DPP10: variants seen among roughly 807,000 people sequenced by gnomAD.
The protein encoded by DPP10 is inactive dipeptidyl peptidase 10.
In DPP10, 33 loss-of-function variants were observed where a neutral mutation model predicts 120.9. The observed-to-expected ratio is 0.27, with a 90% CI of 0.21 to 0.37. The LOEUF is 0.37. DPP10 is among the 10% of genes least tolerant of loss of function. The probability of loss-of-function intolerance (pLI) is 1.00; values close to 1 mark genes in which losing one functional copy is unlikely to be tolerated. For missense variants in DPP10, 816 were observed against 942.8 expected (o/e 0.87, Z 1.76); for synonymous variants, 337 against 326.1 (o/e 1.03, Z -0.36).
intron 1 of DPP10, among the ~76,000 whole-genome samples, chr2:115,220,219 G>C (rs1248905552): frequency 1.3e-5 from 2 of 152,028 alleles, no homozygotes; most frequent in East Asian, 1.9e-4. Flanking sequence ...TCATTATTCT[G>C]TATCACCTGC....
At chr2:114,795,050 T>C (rs1436825524) in intron 1 of DPP10, among the ~76,000 whole-genome samples, 1 of 152,192 alleles carries the variant, frequency 6.6e-6, no homozygotes, top group Non-Finnish European at 1.5e-5. Context: ...TTCAGGGTCA[T>C]GACTTGAAAT....
chr2:115,242,215 C>G (rs779390635), intron 1 of DPP10, among the ~76,000 whole-genome samples: 4 of 152,168 alleles, frequency 2.6e-5, no homozygotes, highest in Non-Finnish European at 5.9e-5. Context: ...TTTGCATCCT[C>G]ATAGTTGAGT....
intron 5 of DPP10, among the ~76,000 whole-genome samples, chr2:115,656,312 T>A (rs967297082): frequency 1.3e-5 from 2 of 151,620 alleles, no homozygotes; most frequent in African/African-American, 2.4e-5. Flanking sequence ...AAATTCAGAA[T>A]AAGACAGAGA....
intron 20 of DPP10, 62 bp from the exon 21 acceptor site, chr2:115,815,613 A>C: frequency 1.4e-6 from 2 of 1,422,240 alleles, no homozygotes; most frequent in Non-Finnish European, 1.9e-6. Context: ...CATGCCAACT[A>C]TATATTTATA....
At chr2:115,577,352 G>A (rs1473656011) in intron 5 of DPP10, among the ~76,000 whole-genome samples, 3 of 152,190 alleles carry the variant, frequency 2.0e-5, no homozygotes, top group Non-Finnish European at 4.4e-5. Context: ...TTCCGTGTTT[G>A]CTAATAAGGG....
chr2:114,633,248 CTTTTTTT>C (rs35372708), intron 1 of DPP10, among the ~76,000 whole-genome samples: 23 of 72,812 alleles, frequency 3.2e-4, no homozygotes, highest in Non-Finnish European at 5.0e-4. Context: ...GTTTTTCTTT[CTTTTTTT>C]TTTTTTTTTT....
intron 1 of DPP10, among the ~76,000 whole-genome samples, chr2:115,148,042 T>C (rs904065523): frequency 6.6e-6 from 1 of 152,076 alleles, no homozygotes; most frequent in Non-Finnish European, 1.5e-5. Flanking sequence ...TTGAACCCCA[T>C]TTGCAGCTAC....
chr2:115,624,238 C>G (rs2085191602), intron 5 of DPP10, among the ~76,000 whole-genome samples: 1 of 152,104 alleles, frequency 6.6e-6, no homozygotes, highest in Non-Finnish European at 1.5e-5. Flanking sequence ...AAATTGACTT[C>G]TATAAATTTT....
intron 1 of DPP10, among the ~76,000 whole-genome samples, chr2:114,854,729 A>G (rs1689238778): frequency 6.6e-6 from 1 of 152,214 alleles, no homozygotes; most frequent in Admixed American, 6.5e-5. Flanking sequence ...ATAGTAAAAG[A>G]ATAGAATTAG....
intron 5 of DPP10, among the ~76,000 whole-genome samples, chr2:115,618,095 A>G (rs2084664858): frequency 6.6e-6 from 1 of 152,178 alleles, no homozygotes; most frequent in Non-Finnish European, 1.5e-5. Context: ...TTTAATATTA[A>G]GCTGCTGTTG....
Position 115,716,780 on chromosome 2 carries a change from TA to T in DPP10, c.577-11035del, listed in dbSNP as rs202139969. On this transcript the variant is annotated intron_variant, in intron 7 of 25. Transcript: ENST00000410059. ...AAAGGTGCCTTGAAATTTTATGAAGTAGTATAAAAAGTCAAGCTGTGGGAAA... is the reference window on the plus strand; with the variant it reads ...AAAGGTGCCTTGAAATTTTATGAAGTGTATAAAAAGTCAAGCTGTGGGAAA... Among the ~76,000 whole-genome samples, 355 of 152,168 alleles carry T rather than the reference TA, an allele frequency of 2.3e-3. 12 individuals carry two copies. The highest frequency in any genetic ancestry group is 8.0e-3 in the African/African-American group (333 of 41,464).
chr2:115,553,482 T>C, intron 5 of DPP10, among the ~76,000 whole-genome samples: 1 of 152,024 alleles, frequency 6.6e-6, no homozygotes, highest in East Asian at 1.9e-4. Context: ...AATGTGAAAC[T>C]TTTTTATTTG....
intron 1 of DPP10, among the ~76,000 whole-genome samples, chr2:115,180,280 C>A (rs988235592): frequency 6.6e-6 from 1 of 151,976 alleles, no homozygotes; most frequent in African/African-American, 2.4e-5. Context: ...TATTAAGTAA[C>A]CCAGACAGAA....
chr2:114,477,517 G>A (rs911458981), intron 1 of DPP10, among the ~76,000 whole-genome samples: 3 of 91,696 alleles, frequency 3.3e-5, no homozygotes, highest in Non-Finnish European at 7.0e-5. Flanking sequence ...TTATGTGTGT[G>A]TATATATGTA....
chr2:115,793,728 A>T (rs1684240017), intron 19 of DPP10, among the ~76,000 whole-genome samples: 1 of 152,026 alleles, frequency 6.6e-6, no homozygotes, highest in Non-Finnish European at 1.5e-5. Context: ...ATTTCTAGTT[A>T]TACTTTGTTA....
In DPP10 at chr2:115,403,347, C is replaced by T. The variant is rs182524954; in HGVS notation, c.271+59435C>T. Among the ~76,000 whole-genome samples the T allele has an allele frequency of 4.7e-4, 70 of 148,622 alleles. 2 individuals carry two copies. The highest frequency in any genetic ancestry group is 4.4e-3 in the Admixed American group (66 of 14,872). ...AGATCAGGGACAAGACAACGATGCT[C>T]ACTGTCACTACTTCTCTCTTTCTTT... On this transcript the variant is annotated intron_variant, in intron 3 of 25. Coordinates refer to ENST00000410059, the MANE Select transcript of DPP10 (RefSeq NM_020868.6).
intron 1 of DPP10, among the ~76,000 whole-genome samples, chr2:114,740,586 C>T (rs1024543691): frequency 6.6e-6 from 1 of 152,022 alleles, no homozygotes; most frequent in Non-Finnish European, 1.5e-5. Context: ...TGTTTCTATC[C>T]TTCGTATGAT....
At chr2:115,163,775 A>AG (rs2052617650) in intron 1 of DPP10, among the ~76,000 whole-genome samples, 1 of 152,144 alleles carries the variant, frequency 6.6e-6, no homozygotes, top group Admixed American at 6.5e-5. Context: ...CTAACCTGTG[A>AG]CACCAGCTGG....
At chr2:115,120,873 A>T (rs1011247316) in intron 1 of DPP10, among the ~76,000 whole-genome samples, 3 of 152,204 alleles carry the variant, frequency 2.0e-5, no homozygotes, top group African/African-American at 7.2e-5. Context: ...TCTTACCAAA[A>T]AATCTCTTTA....
Sources: allele counts gnomAD v4.1 joint callset (sites outside exome capture counted in the v4.1 genomes callset), GRCh38; gene constraint gnomAD v4.1.1; transcripts MANE v1.5; gene names NCBI Gene and HGNC (gene_info 2026-07-23, HGNC 2026-07-21).